KCNT2: variants seen among roughly 807,000 people sequenced by gnomAD.
KCNT2 encodes potassium sodium-activated channel subfamily T member 2.
Under a neutral mutation model 153.8 loss-of-function variants are expected in KCNT2, and 67 were observed. The observed-to-expected ratio is 0.44, with a 90% confidence interval of 0.36 to 0.53. The LOEUF (loss-of-function observed/expected upper bound fraction) is 0.53, where lower values mean the gene tolerates loss of function less well. KCNT2 is among the 20% of genes least tolerant of loss of function. The pLI, the probability that KCNT2 is intolerant of heterozygous loss-of-function variation, is 0.00. For missense variants in KCNT2, 975 were observed against 1,354.8 expected (o/e 0.72, Z 4.40); for synonymous variants, 500 against 458.8 (o/e 1.09, Z -1.15).
intron 1 of KCNT2, among the ~76,000 whole-genome samples, chr1:196,532,898 C>G (rs1436757863): frequency 1.3e-5 from 2 of 152,028 alleles, no homozygotes; most frequent in South Asian, 2.1e-4. Context: ...GCTAACTTCT[C>G]CATATCATCT....
intron 26 of KCNT2, among the ~76,000 whole-genome samples, chr1:196,238,227 C>G (rs553581098): frequency 5.9e-4 from 89 of 151,966 alleles, no homozygotes; most frequent in Admixed American, 2.6e-3. Flanking sequence ...TAGAATCAAG[C>G]CAAATTCTAT....
Position 196,469,053 on chromosome 1 carries a change from GT to G in KCNT2, c.399del (p.Glu133AspfsTer12). On this transcript the variant is annotated frameshift_variant, in exon 6 of 28. Transcript: ENST00000294725. LOFTEE classifies it high-confidence loss of function. ...AAGATGAAGGGTATTCGTAAAATCT[GT>G]TCCCAGATGTTTCCCTTCCAAGAAA... ...GYLSYKGNIW[E>X]QILRIPFILE... is the part of the protein sequence containing the mutation. The G allele has an allele frequency of 6.3e-7, 1 of 1,591,336 alleles. No individual in the cohort carries two copies. The highest frequency in any genetic ancestry group is 8.6e-7 in the Non-Finnish European group (1 of 1,163,942).
At chr1:196,302,615 C>T (rs1476689607) in intron 22 of KCNT2, among the ~76,000 whole-genome samples, 1 of 151,972 alleles carries the variant, frequency 6.6e-6, no homozygotes, top group African/African-American at 2.4e-5. Context: ...TCTAAATTCA[C>T]CCTTTTAATA....
At chr1:196,256,467 G>A (rs981148291) in intron 26 of KCNT2, among the ~76,000 whole-genome samples, 2 of 151,784 alleles carry the variant, frequency 1.3e-5, no homozygotes, top group African/African-American at 4.8e-5. Context: ...CAACAGTGTT[G>A]ACTGCTCTAT....
chr1:196,319,673 T>C (rs1384897545), intron 19 of KCNT2, 118 bp from the exon 20 acceptor site: 3 of 512,936 alleles, frequency 5.8e-6, no homozygotes, highest in Non-Finnish European at 1.0e-5. Context: ...GCTGACAAAA[T>C]TAATTTTCAG....
intron 26 of KCNT2, among the ~76,000 whole-genome samples, chr1:196,249,959 A>T (rs2102292825): frequency 6.6e-6 from 1 of 152,236 alleles, no homozygotes; most frequent in Non-Finnish European, 1.5e-5. Context: ...GGACAAAAAA[A>T]TTTGAATGAT....
chr1:196,389,196 C>G (rs1670262520), intron 13 of KCNT2, among the ~76,000 whole-genome samples: 1 of 151,640 alleles, frequency 6.6e-6, no homozygotes, highest in South Asian at 2.1e-4. Flanking sequence ...AACTAGGTAA[C>G]AGTATGTTCT....
intron 1 of KCNT2, among the ~76,000 whole-genome samples, chr1:196,548,342 G>T (rs1385764329): frequency 6.6e-6 from 1 of 151,950 alleles, no homozygotes; most frequent in African/African-American, 2.4e-5. Flanking sequence ...CAAAAAGTGG[G>T]TGAAGGACAT....
intron 1 of KCNT2, among the ~76,000 whole-genome samples, chr1:196,607,033 C>T (rs1198824055): frequency 2.0e-5 from 3 of 152,128 alleles, no homozygotes; most frequent in Non-Finnish European, 4.4e-5. Flanking sequence ...CATCCATCTC[C>T]TTTCAAATTA....
intron 25 of KCNT2, among the ~76,000 whole-genome samples, chr1:196,271,983 T>A (rs1426213590): frequency 6.6e-6 from 1 of 151,992 alleles, no homozygotes; most frequent in Admixed American, 6.6e-5. Context: ...TACTTGCTTT[T>A]AACACTGAAC....
chr1:196,540,162 C>T (rs1300194393), intron 1 of KCNT2, among the ~76,000 whole-genome samples: 1 of 151,898 alleles, frequency 6.6e-6, no homozygotes, highest in African/African-American at 2.4e-5. Context: ...TTTTTAAGTC[C>T]AGAAAAAAGA....
chr1:196,528,313 A>G (rs1255894470), intron 1 of KCNT2, among the ~76,000 whole-genome samples: 2 of 152,168 alleles, frequency 1.3e-5, no homozygotes, highest in Non-Finnish European at 2.9e-5. Flanking sequence ...AACTATTTAC[A>G]CAGATTGAGA....
chr1:196,352,331 G>A (rs1366905461), intron 14 of KCNT2, among the ~76,000 whole-genome samples: 1 of 151,772 alleles, frequency 6.6e-6, no homozygotes, highest in Admixed American at 6.6e-5. Context: ...AATCCATCTG[G>A]TCCTGGACTC....
intron 14 of KCNT2, among the ~76,000 whole-genome samples, chr1:196,345,173 G>A (rs1666035426): frequency 6.6e-6 from 1 of 152,026 alleles, no homozygotes; most frequent in South Asian, 2.1e-4. Context: ...AGTGGGAGAG[G>A]GCCAACAATA....
chr1:196,385,337 A>G (rs1032783511), intron 13 of KCNT2, among the ~76,000 whole-genome samples: 1 of 152,186 alleles, frequency 6.6e-6, no homozygotes, highest in African/African-American at 2.4e-5. Flanking sequence ...GGCAATTGTG[A>G]CACAATGGTG....
At chr1:196,281,114 G>T (rs1018598550) in intron 24 of KCNT2, 126 bp from the exon 25 acceptor site, 2 of 668,878 alleles carry the variant, frequency 3.0e-6, no homozygotes, top group Non-Finnish European at 2.5e-6. Context: ...CCAGGCTACA[G>T]TGCAACGGTG....
chr1:196,475,410 G>A (rs1374356767), intron 5 of KCNT2, among the ~76,000 whole-genome samples: 1 of 152,032 alleles, frequency 6.6e-6, no homozygotes, highest in Non-Finnish European at 1.5e-5. Context: ...TTGAGCCAAG[G>A]AGTTCCAAAC....
chr1:196,483,195 C>T (rs576803700), intron 3 of KCNT2, among the ~76,000 whole-genome samples: 22 of 152,250 alleles, frequency 1.4e-4, no homozygotes, highest in Non-Finnish European at 2.9e-4. Context: ...CTACTCAAAA[C>T]TTGAGCATCC....
chr1:196,296,779 A>G (rs572647464), intron 22 of KCNT2, among the ~76,000 whole-genome samples: 1 of 152,074 alleles, frequency 6.6e-6, no homozygotes, highest in Non-Finnish European at 1.5e-5. Context: ...AAGGGTTCCT[A>G]TTTCAGTTCT....
Sources: allele counts gnomAD v4.1 joint callset (sites outside exome capture counted in the v4.1 genomes callset), GRCh38; gene constraint gnomAD v4.1.1; transcripts MANE v1.5; gene names NCBI Gene and HGNC (gene_info 2026-07-23, HGNC 2026-07-21).